IL2RB: variants seen among roughly 807,000 people sequenced by gnomAD.
IL2RB encodes interleukin-2 receptor subunit beta.
A neutral mutation model predicts 44.2 loss-of-function variants in IL2RB; 17 were observed. That is an observed-to-expected ratio of 0.38 (90% CI 0.26 to 0.58). IL2RB has a LOEUF of 0.58. IL2RB is among the 20% of genes least tolerant of loss of function. The pLI is 0.63. For synonymous variants in IL2RB, 286 were observed against 297.9 expected, an observed-to-expected ratio of 0.96 and a Z score of 0.41; for missense variants, 624 against 685.5, an observed-to-expected ratio of 0.91 and a Z score of 1.00.
intron 1 of IL2RB, among the ~76,000 whole-genome samples, chr22:37,163,792 T>C (rs960188505): frequency 2.6e-5 from 4 of 152,222 alleles, no homozygotes; most frequent in African/African-American, 7.2e-5. Context: ...TTCATGGGCC[T>C]CCGGGAACTC....
intron 8 of IL2RB, 92 bp from the exon 9 acceptor site, chr22:37,132,560 G>A (rs561343376): frequency 4.1e-5 from 35 of 854,746 alleles, no homozygotes; most frequent in South Asian, 3.0e-4. Flanking sequence ...TGCCAGGCAC[G>A]GAGCCGCACC....
At chr22:37,155,824 T>C (rs1922661131) in intron 1 of IL2RB, among the ~76,000 whole-genome samples, 1 of 152,196 alleles carries the variant, frequency 6.6e-6, no homozygotes, top group African/African-American at 2.4e-5. Flanking sequence ...CATCCCCACC[T>C]GACCCTCTGC....
intron 1 of IL2RB, among the ~76,000 whole-genome samples, chr22:37,170,937 G>A (rs1381916115): frequency 1.3e-5 from 2 of 152,188 alleles, no homozygotes; most frequent in Non-Finnish European, 2.9e-5. Flanking sequence ...CGATATTATG[G>A]ATGAGGGTGG....
chr22:37,170,440 C>T (rs1473897425), intron 1 of IL2RB, among the ~76,000 whole-genome samples: 1 of 152,116 alleles, frequency 6.6e-6, no homozygotes, highest in African/African-American at 2.4e-5. Context: ...GGGGCAGACT[C>T]TGCACTGTCC....
At chr22:37,161,704 G>A (rs1027287154) in intron 1 of IL2RB, 3 of 151,618 alleles carry the variant, frequency 2.0e-5, no homozygotes, top group African/African-American at 7.3e-5. Flanking sequence ...CCAGACTGCT[G>A]ACTGGGAGGG....
rs1294062534 is a variant in IL2RB at position 37,128,401 on chromosome 22, C to T, written c.1351G>A (p.Gly451Ser). Reference protein sequence around the residue: ...PSTAPGGSGAGEERMPPSLQE... With the variant: ...PSTAPGGSGASEERMPPSLQE... ...AAAGAAGGGGGCATCCTCTCTTCAC[C>T]GGCCCCACTGCCCCCAGGGGCAGTG... is the stretch of plus-strand genomic sequence containing the variant. The change falls in exon 10 of 10, where the codon GGT becomes AGT. Residue 451 changes from glycine (G) to serine (S), a missense_variant. By Grantham distance (56) the Gly-to-Ser change is moderately conservative. Coordinates refer to ENST00000216223, the MANE Select transcript of IL2RB (RefSeq NM_000878.5). This position sits in a 1 kb window ranked among gnomAD's most constrained non-coding sequence, Gnocchi z 4.5. The T allele has an allele frequency of 1.3e-5, 19 of 1,513,078 alleles. No individual in the cohort carries two copies. Among genetic ancestry groups the T allele is most frequent in the Middle Eastern group, 3.6e-4 (2 of 5,610 alleles). The allele number at this position is 1,513,078 out of a possible 1,614,324, so 93.7% of individuals were successfully genotyped here.
Position 37,149,218 on chromosome 22 carries a change from G to A in IL2RB, c.-34+607C>T, listed in dbSNP as rs528557038. Among the ~76,000 whole-genome samples, 9 of 152,280 alleles carry A rather than the reference G, an allele frequency of 5.9e-5. No homozygotes were observed. The South Asian group carries it at 1.9e-3, about 32-fold the overall frequency. On this transcript the variant is annotated intron_variant, in intron 1 of 9. Transcript: ENST00000216223. ...ATCCCCAATGTCCGGAGATGCTTCT[G>A]ACCTGTCCAGTCATGCAGCCAAGGG...
chr22:37,169,376 G>C (rs1259403068), intron 1 of IL2RB, among the ~76,000 whole-genome samples: 1 of 151,932 alleles, frequency 6.6e-6, no homozygotes, highest in Non-Finnish European at 1.5e-5. Flanking sequence ...TCTGTTTACA[G>C]AGGGATTCTG....
At chr22:37,165,055 C>A (rs1447651781) in intron 1 of IL2RB, among the ~76,000 whole-genome samples, 1 of 152,206 alleles carries the variant, frequency 6.6e-6, no homozygotes, top group Admixed American at 6.5e-5. Context: ...CCGCATGTTA[C>A]CTCAGTGAAT....
chr22:37,140,541 G>C (rs1296646518), intron 4 of IL2RB, among the ~76,000 whole-genome samples: 1 of 152,058 alleles, frequency 6.6e-6, no homozygotes, highest in Non-Finnish European at 1.5e-5. Flanking sequence ...AGAAATGGTG[G>C]AGCCAGGATC....
In IL2RB at chr22:37,137,749, G is replaced by C. The variant is rs367622513; in HGVS notation, c.389-14C>G. 9 of 1,611,828 alleles carry C rather than the reference G, an allele frequency of 5.6e-6. No individual in the cohort carries two copies. In the Middle Eastern group the frequency reaches 9.9e-4, roughly 177 times the overall value. On this transcript the variant is annotated splice_polypyrimidine_tract_variant and intron_variant, in intron 5 of 9. Transcript: ENST00000216223. ...CCATCAGGCGAACTGGAGACAACAG[G>C]GGGTAGGGGAGAGCAGTCAGCCATG...
intron 9 of IL2RB, among the ~76,000 whole-genome samples, chr22:37,129,867 C>A (rs1381229165): frequency 3.3e-5 from 5 of 152,206 alleles, no homozygotes; most frequent in Non-Finnish European, 5.9e-5. Flanking sequence ...TGGACTATGG[C>A]CCCCTAAGCA....
At chr22:37,168,328 C>T (rs756695262) in intron 1 of IL2RB, among the ~76,000 whole-genome samples, 4 of 152,254 alleles carry the variant, frequency 2.6e-5, no homozygotes, top group South Asian at 4.2e-4. Context: ...CAGTTTGAAA[C>T]GCCTGCAAAT....
chr22:37,151,704 TA>T (rs1922494642), upstream of IL2RB, among the ~76,000 whole-genome samples: 1 of 152,262 alleles, frequency 6.6e-6, no homozygotes, highest in South Asian at 2.1e-4. Context: ...GTCTCAGATT[TA>T]AGTCTTTAAT....
chr22:37,172,610 G>A (rs1923326807), intron 1 of IL2RB, among the ~76,000 whole-genome samples: 1 of 152,190 alleles, frequency 6.6e-6, no homozygotes, highest in Admixed American at 6.5e-5. Context: ...TCCTTCACTG[G>A]GCCCAGCCCC....
chr22:37,147,458 T>G (rs773477525), intron 1 of IL2RB, among the ~76,000 whole-genome samples: 2 of 152,264 alleles, frequency 1.3e-5, no homozygotes, highest in African/African-American at 2.4e-5. Context: ...TTCTGTGTAC[T>G]GAGCACATAC....
At position 37,143,509 on chromosome 22, in the gene IL2RB, C is replaced by T. The variant is rs775520855; in HGVS notation, c.203+12G>A. The T allele has an allele frequency of 1.3e-6, 2 of 1,555,290 alleles. No individual in the cohort carries two copies. Among genetic ancestry groups the T allele is most frequent in the Non-Finnish European group, 1.8e-6 (2 of 1,126,612 alleles). On this transcript the variant is annotated intron_variant, in intron 3 of 9. Coordinates refer to ENST00000216223, the MANE Select transcript of IL2RB (RefSeq NM_000878.5). ...CCATCCTAAGATTCTGCAGTGTGGC[C>T]AGTGGACTCACCGTCTGTCCGGCCA...
chr22:37,174,454 A>G (rs1422093178), intron 1 of IL2RB, among the ~76,000 whole-genome samples: 1 of 152,128 alleles, frequency 6.6e-6, no homozygotes, highest in African/African-American at 2.4e-5. Flanking sequence ...GCCATTTGAT[A>G]TTGGAGGACC....
Position 37,128,794 on chromosome 22 carries a change from G to A in IL2RB, c.958C>T (p.Pro320Ser). The A allele has an allele frequency of 6.2e-7, 1 of 1,613,216 alleles. No homozygotes were observed. Among genetic ancestry groups the A allele is most frequent in the Non-Finnish European group, 8.5e-7 (1 of 1,179,268 alleles). The change falls in exon 10 of 10, where the codon CCT becomes TCT. Residue 320 changes from proline to serine, a missense_variant. By Grantham distance (74) the Pro-to-Ser change is moderately conservative. Coordinates refer to ENST00000216223, the MANE Select transcript of IL2RB (RefSeq NM_000878.5). The surrounding 1 kb of genome is among the most constrained non-coding windows in gnomAD (Gnocchi z 4.5). ...AGCACTTCTAGTGGCGAGATCTCAG[G>A]TGCCAGGCCGCCAGGGCTGAAGGAC... The part of the protein sequence containing the change: ...SSSFSPGGLA[P>S]EISPLEVLER...
Sources: allele counts gnomAD v4.1 joint callset (sites outside exome capture counted in the v4.1 genomes callset), GRCh38; gene constraint gnomAD v4.1.1; non-coding constraint Gnocchi (gnomAD v3.1); transcripts MANE v1.5; gene names NCBI Gene and HGNC (gene_info 2026-07-23, HGNC 2026-07-21).